The following DLC1 variants were observed in gnomAD, a reference collection of about 807,000 sequenced individuals.
The protein encoded by DLC1 is rho GTPase-activating protein 7.
A neutral mutation model predicts 140.3 loss-of-function variants in DLC1; 54 were observed. The observed-to-expected ratio is 0.38, with a 90% CI of 0.31 to 0.48. The LOEUF (loss-of-function observed/expected upper bound fraction) is 0.48, where lower values mean the gene tolerates loss of function less well. Ranked by LOEUF, DLC1 falls within the 20% of genes least tolerant of loss-of-function variation. The pLI is 0.96. For synonymous variants in DLC1, 986 were observed against 728.1 expected (o/e 1.35, Z -5.70); for missense variants, 2,536 against 1,907.0 (o/e 1.33, Z -6.14).
chr8:13,156,307 C>G (rs928100737), intron 5 of DLC1, among the ~76,000 whole-genome samples: 6 of 152,168 alleles, frequency 3.9e-5, no homozygotes, highest in African/African-American at 1.2e-4. Flanking sequence ...AAGTTACATT[C>G]ACATACAGTA....
chr8:13,255,840 A>G (rs1830202279), intron 5 of DLC1, among the ~76,000 whole-genome samples: 1 of 152,168 alleles, frequency 6.6e-6, no homozygotes, highest in African/African-American at 2.4e-5. Flanking sequence ...TATAAGAAGT[A>G]CTCACTTAAT....
chr8:13,196,095 TACACACACACACACACACAC>T (rs59429334), intron 5 of DLC1, among the ~76,000 whole-genome samples: 1 of 147,040 alleles, frequency 6.8e-6, no homozygotes, highest in Non-Finnish European at 1.5e-5. Flanking sequence ...TCTGTATTGA[TACACACACACACACACACAC>T]ACACACACAC....
intron 2 of DLC1, among the ~76,000 whole-genome samples, chr8:13,427,289 AT>A (rs1445121276): frequency 6.6e-6 from 1 of 152,052 alleles, no homozygotes; most frequent in East Asian, 1.9e-4. Flanking sequence ...AACTCGGCTC[AT>A]GGGGCTCTGT....
intron 4 of DLC1, among the ~76,000 whole-genome samples, chr8:13,392,716 C>G (rs751249827): frequency 6.6e-6 from 1 of 152,156 alleles, no homozygotes; most frequent in Non-Finnish European, 1.5e-5. Context: ...TACTATTTTC[C>G]TGTTGCAGTT....
In DLC1 at chr8:13,336,380, T is replaced by A. The variant is rs377339592; in HGVS notation, c.1315-31078A>T. 2.0e-5 allele frequency among the ~76,000 whole-genome samples: 3 copies of A among 152,336 alleles called. 1 individual carries two copies. The South Asian group carries it at 6.2e-4, about 32-fold the overall frequency. ...ATAAAATAATATTTGTTACACTATA[T>A]TAATTTTTCAGACTACGAAAAGTCA... On this transcript the variant is annotated intron_variant, in intron 4 of 17. Transcript: ENST00000276297.
At chr8:13,343,635 G>C (rs538289335) in intron 4 of DLC1, among the ~76,000 whole-genome samples, 1 of 152,294 alleles carries the variant, frequency 6.6e-6, no homozygotes, top group African/African-American at 2.4e-5. Context: ...AGGATATTAA[G>C]TGACCTGCCA....
upstream of DLC1, among the ~76,000 whole-genome samples, chr8:13,516,158 G>A (rs1802578706): frequency 6.6e-6 from 1 of 151,196 alleles, no homozygotes; most frequent in African/African-American, 2.5e-5. Context: ...TATGACTCAA[G>A]CATTTTTTTG....
intron 1 of DLC1, chr8:13,567,592 T>C: frequency 1.3e-6 from 2 of 1,551,778 alleles, no homozygotes; most frequent in South Asian, 1.2e-5. Context: ...TCAGTGTCCC[T>C]ATTGTAACAG....
At chr8:13,122,283 G>A (rs781377587) in intron 5 of DLC1, among the ~76,000 whole-genome samples, 28 of 152,146 alleles carry the variant, frequency 1.8e-4, no homozygotes, top group Non-Finnish European at 3.5e-4. Flanking sequence ...ACTCTTGGAA[G>A]GCCTCCAAAT....
At chr8:13,533,370 T>G (rs1430679712) in intron 1 of DLC1, among the ~76,000 whole-genome samples, 1 of 152,196 alleles carries the variant, frequency 6.6e-6, no homozygotes, top group Non-Finnish European at 1.5e-5. Flanking sequence ...TTAAGATATT[T>G]TGAAGCCCCA....
chr8:13,194,029 G>A (rs1826911201), intron 5 of DLC1, among the ~76,000 whole-genome samples: 1 of 152,156 alleles, frequency 6.6e-6, no homozygotes, highest in Non-Finnish European at 1.5e-5. Flanking sequence ...ATTTATTAGA[G>A]AGTCAATGAT....
chr8:13,529,842 A>T (rs915571076), intron 1 of DLC1, among the ~76,000 whole-genome samples: 3 of 152,012 alleles, frequency 2.0e-5, no homozygotes, highest in African/African-American at 7.2e-5. Flanking sequence ...ATAACAATAT[A>T]TTTTTTTTCT....
Position 13,245,347 on chromosome 8 carries a change from A to G in DLC1, c.1348+59922T>C, listed in dbSNP as rs979812978. Among the ~76,000 whole-genome samples, 60 of 152,224 alleles carry G rather than the reference A, an allele frequency of 3.9e-4. 1 individual carries two copies. The highest frequency in any genetic ancestry group is 3.7e-3 in the Admixed American group (56 of 15,286). On this transcript the variant is annotated intron_variant, in intron 5 of 17. Transcript: ENST00000276297. ...AACTCTCCTGGCCAATATCCCGGAC[A>G]TTGTGTAGCAGAGGCACTCTGTGCC...
At chr8:13,440,836 T>G (rs1192494573) in intron 2 of DLC1, among the ~76,000 whole-genome samples, 2 of 152,140 alleles carry the variant, frequency 1.3e-5, no homozygotes, top group Admixed American at 6.5e-5. Flanking sequence ...ACGTAAGAAG[T>G]GCCTTTTGCT....
intron 2 of DLC1, among the ~76,000 whole-genome samples, chr8:13,407,354 TGG>T (rs1178624173): frequency 2.0e-5 from 3 of 152,194 alleles, no homozygotes; most frequent in African/African-American, 7.2e-5. Flanking sequence ...TCCTTCCATC[TGG>T]GAAAGATAAT....
At chr8:13,480,560 C>T (rs1800683244) in intron 2 of DLC1, among the ~76,000 whole-genome samples, 1 of 152,058 alleles carries the variant, frequency 6.6e-6, no homozygotes, top group Non-Finnish European at 1.5e-5. Flanking sequence ...ATAGGTGAAG[C>T]ACAGAATGAT....
intron 2 of DLC1, among the ~76,000 whole-genome samples, chr8:13,494,591 A>G (rs906836128): frequency 2.6e-5 from 4 of 152,168 alleles, no homozygotes; most frequent in African/African-American, 9.7e-5. Context: ...TGCGTGTGAG[A>G]GAAATATGTC....
rs1207579328 is a variant in DLC1 at position 13,088,501 on chromosome 8, G to C, written c.4278C>G (p.Asp1426Glu). The C allele has an allele frequency of 1.9e-6, 3 of 1,614,090 alleles. No homozygotes were observed. Among genetic ancestry groups the C allele is most frequent in the African/African-American group, 1.3e-5 (1 of 74,934 alleles). The change falls in exon 16 of 18, where the codon GAC becomes GAG. Residue 1426 changes from aspartate to glutamate, a missense_variant. By Grantham distance (45) the Asp-to-Glu change is conservative. Transcript: ENST00000276297. ...GAAGCGCTCACCTTAAAACAACGTA[G>C]TCTCGAGCAGGATGAGGTGCCATAC... ...QNSMAPHPARDYVVLRTWRTN... is the reference protein window; with the variant it reads ...QNSMAPHPAREYVVLRTWRTN...
chr8:13,572,968 T>G (rs552179434), intron 1 of DLC1, among the ~76,000 whole-genome samples: 1 of 152,308 alleles, frequency 6.6e-6, no homozygotes, highest in South Asian at 2.1e-4. Context: ...TCCTTGGGAT[T>G]CCATATGAAT....
Sources: allele counts gnomAD v4.1 joint callset (sites outside exome capture counted in the v4.1 genomes callset), GRCh38; gene constraint gnomAD v4.1.1; transcripts MANE v1.5; gene names NCBI Gene and HGNC (gene_info 2026-07-23, HGNC 2026-07-21).